Variants in KIAA0930 observed in about 807,000 individuals in gnomAD.
The protein encoded by KIAA0930 is KIAA0930.
KIAA0930 carries 24 observed loss-of-function variants against 43.9 expected under a neutral mutation model. The ratio of observed to expected loss-of-function variants is 0.55; its 90% CI spans 0.40 to 0.77. The LOEUF (loss-of-function observed/expected upper bound fraction) is 0.77, where lower values mean the gene tolerates loss of function less well. Ranked by LOEUF, KIAA0930 falls within the 30% of genes least tolerant of loss-of-function variation. The probability of loss-of-function intolerance (pLI) is 0.00; values close to 1 mark genes in which losing one functional copy is unlikely to be tolerated. For synonymous variants in KIAA0930, 259 were observed against 216.4 expected (o/e 1.20, Z -1.73); for missense variants, 461 against 574.2 (o/e 0.80, Z 2.02).
In KIAA0930 at chr22:45,197,084, ATCGCAGACCCCGGTGGCG is replaced by A; in HGVS notation, c.*74_*91del. 2 of 1,130,588 alleles carry A rather than the reference ATCGCAGACCCCGGTGGCG, an allele frequency of 1.8e-6. No homozygotes were observed. The highest frequency in any genetic ancestry group is 2.4e-6 in the Non-Finnish European group (2 of 821,074). The allele number at this position is 1,130,588 out of a possible 1,614,324, so 70.0% of individuals were successfully genotyped here. A position where few individuals can be genotyped will look rare whatever the true frequency, so the allele number is the denominator to read the frequency against. ...GCTGCGGCTCCAGCACTGGCGTGCC[ATCGCAGACCCCGGTGGCG>A]GTGGACAGGTAGGCACTTGGCAGCA... On this transcript the variant is annotated 3_prime_UTR_variant, in exon 10 of 10. Transcript: ENST00000336156.
At chr22:45,206,023 T>C in intron 2 of KIAA0930, 111 bp from the exon 3 acceptor site, 1 of 1,520,410 alleles carries the variant, frequency 6.6e-7, no homozygotes, top group Non-Finnish European at 8.8e-7. Flanking sequence ...TCTTTTTTCT[T>C]ACTATTTTTT....
rs1031326854 is a variant in KIAA0930, at chr22:45,212,643, C to T, written c.65-536G>A. On this transcript the variant is annotated intron_variant, in intron 1 of 9. Transcript: ENST00000336156. Reference sequence around the variant, plus strand: ...CGCAGGGAGACAGCACCCGCCCCACCCCTGCCCCACGTCTGCGCAGCTTCG... The same window carrying T: ...CGCAGGGAGACAGCACCCGCCCCACTCCTGCCCCACGTCTGCGCAGCTTCG... Among the ~76,000 whole-genome samples, 4 of 152,268 alleles carry T rather than the reference C, an allele frequency of 2.6e-5. No homozygotes were observed. In the South Asian group the frequency reaches 6.2e-4, roughly 24 times the overall value.
chr22:45,198,239 C>T (rs1012826095), intron 8 of KIAA0930, among the ~76,000 whole-genome samples: 6 of 152,230 alleles, frequency 3.9e-5, no homozygotes, highest in Admixed American at 3.3e-4. Context: ...GGGGTTCTGG[C>T]ACACACACTG....
chr22:45,238,087 AT>A (rs914782489), intron 1 of KIAA0930, among the ~76,000 whole-genome samples: 42 of 146,224 alleles, frequency 2.9e-4, no homozygotes, highest in Middle Eastern at 3.5e-3. Flanking sequence ...CGCCTGGCTA[AT>A]TTTTTTTTTT....
At chr22:45,231,079 T>C (rs2083850407) in intron 1 of KIAA0930, among the ~76,000 whole-genome samples, 1 of 151,718 alleles carries the variant, frequency 6.6e-6, no homozygotes, top group South Asian at 2.1e-4. Context: ...TGAAACCCCA[T>C]CTCTCTACTA....
chr22:45,205,994 G>T, intron 2 of KIAA0930, 82 bp from the exon 3 acceptor site: 2 of 1,559,788 alleles, frequency 1.3e-6, no homozygotes, highest in South Asian at 2.4e-5. Flanking sequence ...CAGGCATTAC[G>T]ATGGACAAGG....
chr22:45,213,372 A>T, intron 1 of KIAA0930: 1 of 1,303,444 alleles, frequency 7.7e-7, no homozygotes. Context: ...GAGAGGGAGG[A>T]AAAGAGAAGG....
At chr22:45,203,449 G>C (rs976144736) in intron 6 of KIAA0930, among the ~76,000 whole-genome samples, 1 of 152,152 alleles carries the variant, frequency 6.6e-6, no homozygotes, top group Non-Finnish European at 1.5e-5. Flanking sequence ...GCTGCGGATG[G>C]TGCCCGCTGG....
At chr22:45,205,942 C>T (rs1008337974) in intron 2 of KIAA0930, 30 bp from the exon 3 acceptor site, 3 of 1,609,360 alleles carry the variant, frequency 1.9e-6, no homozygotes, top group Middle Eastern at 1.7e-4. Context: ...AGTGAGTGCC[C>T]AGGGCCCACT....
rs1402760851 is a variant in KIAA0930, at chr22:45,205,642, C to T, written c.402G>A (p.Lys134=). ...TGCCAGGGCTCACCTGAGATTTCTT[C>T]TTATGGATGTGAATGTCCCCGCCGT... ...RADGGDIHIH[K]KKSQQVFASP... The change falls in exon 4 of 10, where the codon AAG becomes AAA. Residue 134 remains lysine (K), a synonymous_variant. Coordinates refer to ENST00000336156, the MANE Select transcript of KIAA0930 (RefSeq NM_001009880.2). 4.3e-6 allele frequency: 7 copies of T among 1,613,850 alleles called. No homozygotes were observed. In the African/African-American group the frequency reaches 8.0e-5, roughly 18 times the overall value.
rs1249425906 is a variant in KIAA0930, at chr22:45,223,598, C to T, written c.65-11491G>A. 4.7e-5 allele frequency among the ~76,000 whole-genome samples: 7 copies of T among 150,076 alleles called. No individual in the cohort carries two copies. The East Asian group carries it at 1.4e-3, about 29-fold the overall frequency. On this transcript the variant is annotated intron_variant, in intron 1 of 9. Coordinates refer to ENST00000336156, the MANE Select transcript of KIAA0930 (RefSeq NM_001009880.2). Reference sequence around the variant, plus strand: ...TCAGCACCAGATAAGCACCCAGGGTCAGCACTGAGCCAGCAACTAGGATCA... The same window carrying T: ...TCAGCACCAGATAAGCACCCAGGGTTAGCACTGAGCCAGCAACTAGGATCA...
intron 1 of KIAA0930, among the ~76,000 whole-genome samples, chr22:45,234,363 G>A (rs1224075509): frequency 3.3e-5 from 5 of 152,200 alleles, no homozygotes; most frequent in African/African-American, 1.2e-4. Flanking sequence ...TCTCAGGTAA[G>A]AAGACAAGGT....
At chr22:45,208,819 C>T (rs1258716170) in intron 2 of KIAA0930, among the ~76,000 whole-genome samples, 3 of 152,244 alleles carry the variant, frequency 2.0e-5, no homozygotes, top group Admixed American at 6.5e-5. Context: ...CCCCAGGAAG[C>T]TTCCTCCCCG....
intron 1 of KIAA0930, among the ~76,000 whole-genome samples, chr22:45,219,247 C>A (rs920002104): frequency 2.0e-5 from 3 of 152,086 alleles, no homozygotes. Flanking sequence ...CCATGGAGAC[C>A]AAATGAGCTC....
At chr22:45,202,914 G>T (rs1181052738) in intron 7 of KIAA0930, 76 bp downstream of exon 7, 1 of 1,266,202 alleles carries the variant, frequency 7.9e-7, no homozygotes, top group Non-Finnish European at 1.1e-6. Context: ...TCCCCAGGGG[G>T]CCGTGAGCAC....
intron 6 of KIAA0930, 136 bp downstream of exon 6, chr22:45,203,709 G>C (rs2083610313): frequency 3.2e-6 from 3 of 943,956 alleles, no homozygotes; most frequent in Non-Finnish European, 3.1e-6. Context: ...AAGGAGCCCG[G>C]AGGGGCTGCA....
chr22:45,197,079 G>A lies in KIAA0930; in HGVS notation c.*97C>T, dbSNP rs2083542997. 26 of 1,053,716 alleles carry A rather than the reference G, an allele frequency of 2.5e-5. No homozygotes were observed. Among genetic ancestry groups the A allele is most frequent in the South Asian group, 3.5e-5 (2 of 56,520 alleles). The allele number at this position is 1,053,716 out of a possible 1,614,324, so 65.3% of individuals were successfully genotyped here. On this transcript the variant is annotated 3_prime_UTR_variant, in exon 10 of 10. Transcript: ENST00000336156. ...GCCTGGCTGCGGCTCCAGCACTGGC[G>A]TGCCATCGCAGACCCCGGTGGCGGT... is the stretch of plus-strand genomic sequence containing the variant.
chr22:45,212,256 G>A (rs779556854), intron 1 of KIAA0930, 149 bp from the exon 2 acceptor site: 66 of 1,612,616 alleles, frequency 4.1e-5, no homozygotes, highest in Middle Eastern at 1.6e-4. Flanking sequence ...CACCACTCCC[G>A]ACCCCCACCC....
intron 1 of KIAA0930, among the ~76,000 whole-genome samples, chr22:45,230,875 C>G (rs1216701850): frequency 6.6e-6 from 1 of 152,000 alleles, no homozygotes; most frequent in African/African-American, 2.4e-5. Flanking sequence ...CCACGTCGCC[C>G]AGCCCAGATC....
Sources: gnomAD v4.1 joint callset for allele counts (sites outside exome capture counted in the v4.1 genomes callset) on GRCh38, gnomAD v4.1.1 for gene constraint, MANE v1.5 for transcripts, NCBI Gene and HGNC (gene_info 2026-07-23, HGNC 2026-07-21) for gene names.